Variants in MYO1D observed in about 807,000 individuals in gnomAD.
MYO1D encodes myosin ID.
Under a neutral mutation model 122.0 loss-of-function variants are expected in MYO1D, and 83 were observed. The observed-to-expected ratio is 0.68, with a 90% CI of 0.57 to 0.82. The LOEUF is 0.82. Ranked by LOEUF, MYO1D falls within the 40% of genes least tolerant of loss-of-function variation. The pLI is 0.00. For synonymous variants in MYO1D, 464 were observed against 446.9 expected, an observed-to-expected ratio of 1.04 and a Z score of -0.48; for missense variants, 1,157 against 1,269.5, an observed-to-expected ratio of 0.91 and a Z score of 1.35.
At chr17:32,748,071 T>G (rs768152025) in intron 12 of MYO1D, among the ~76,000 whole-genome samples, 1 of 152,208 alleles carries the variant, frequency 6.6e-6, no homozygotes. Flanking sequence ...TAAGTTTTTG[T>G]TGACTTAAGC....
At chr17:32,844,040 C>T (rs1347920308) in intron 1 of MYO1D, among the ~76,000 whole-genome samples, 4 of 150,880 alleles carry the variant, frequency 2.7e-5, no homozygotes, top group Non-Finnish European at 5.9e-5. Context: ...TACATACACA[C>T]ACAAGGATAT....
chr17:32,660,390 T>A (rs1293889723), intron 16 of MYO1D, among the ~76,000 whole-genome samples: 1 of 152,232 alleles, frequency 6.6e-6, no homozygotes, highest in Non-Finnish European at 1.5e-5. Context: ...TCCCTCAGGT[T>A]TCTTTTATTT....
At chr17:32,869,181 C>T (rs7213199) in intron 1 of MYO1D, among the ~76,000 whole-genome samples, 7,548 of 151,688 alleles carry the variant, frequency 0.05, 584 homozygotes, top group African/African-American at 0.17. Context: ...ATCGCACTAC[C>T]GCACTCCAGC....
At chr17:32,594,636 A>G (rs905654261) in intron 21 of MYO1D, 7 of 600,898 alleles carry the variant, frequency 1.2e-5, no homozygotes, top group South Asian at 2.2e-5. Context: ...TATAATATCT[A>G]TATCTCTCTT....
intron 21 of MYO1D, among the ~76,000 whole-genome samples, chr17:32,534,834 G>A (rs1910614612): frequency 6.6e-6 from 1 of 152,118 alleles, no homozygotes; most frequent in African/African-American, 2.4e-5. Flanking sequence ...AGAAGGAATG[G>A]AATTGAGTGA....
chr17:32,707,976 T>C (rs2089329376), intron 16 of MYO1D, among the ~76,000 whole-genome samples: 1 of 152,192 alleles, frequency 6.6e-6, no homozygotes, highest in African/African-American at 2.4e-5. Flanking sequence ...GCTCCTGGTT[T>C]CCTCTGGATC....
At chr17:32,798,316 T>C (rs769316605) in intron 1 of MYO1D, among the ~76,000 whole-genome samples, 9 of 152,236 alleles carry the variant, frequency 5.9e-5, no homozygotes, top group Non-Finnish European at 8.8e-5. Context: ...GTAACATCCA[T>C]AAGGCTGCAT....
chr17:32,536,333 C>T (rs1040182261), intron 21 of MYO1D, among the ~76,000 whole-genome samples: 2 of 151,224 alleles, frequency 1.3e-5, no homozygotes, highest in African/African-American at 4.9e-5. Flanking sequence ...CTGTGCCTGG[C>T]CCCAGGATAC....
chr17:32,698,661 G>A (rs959254014), intron 16 of MYO1D, among the ~76,000 whole-genome samples: 1 of 151,610 alleles, frequency 6.6e-6, no homozygotes, highest in Non-Finnish European at 1.5e-5. Context: ...CAAAATTATC[G>A]TACTCACTGA....
Position 32,856,325 on chromosome 17 carries a change from T to C in MYO1D, c.95+20453A>G, listed in dbSNP as rs1014999573. On this transcript the variant is annotated intron_variant, in intron 1 of 21. Transcript: ENST00000318217. Reference sequence around the variant, plus strand: ...AAGACTCTCTGTCCTCTCAAATGTCTTTCTCTCTCTACGGCCTCCTTCCCA... The same window carrying C: ...AAGACTCTCTGTCCTCTCAAATGTCCTTCTCTCTCTACGGCCTCCTTCCCA... Among the ~76,000 whole-genome samples, 4 of 152,186 alleles carry C rather than the reference T, an allele frequency of 2.6e-5. No individual in the cohort carries two copies. The East Asian group carries it at 7.7e-4, about 29-fold the overall frequency.
chr17:32,851,435 AAAC>A (rs1165263605), intron 1 of MYO1D, among the ~76,000 whole-genome samples: 1 of 152,200 alleles, frequency 6.6e-6, no homozygotes, highest in African/African-American at 2.4e-5. Flanking sequence ...CTTTAAAAAC[AAAC>A]AACACAATAT....
chr17:32,660,017 G>A (rs1019424174), intron 16 of MYO1D, among the ~76,000 whole-genome samples: 1 of 152,004 alleles, frequency 6.6e-6, no homozygotes, highest in African/African-American at 2.4e-5. Flanking sequence ...TCCTTTGTCA[G>A]GTACCCATAT....
chr17:32,532,094 C>T (rs910959866), intron 21 of MYO1D, among the ~76,000 whole-genome samples: 1 of 152,188 alleles, frequency 6.6e-6, no homozygotes, highest in Admixed American at 6.5e-5. Context: ...TGTGCCATCC[C>T]TGGCTCCAAT....
At chr17:32,763,561 G>C (rs562484624) in intron 8 of MYO1D, among the ~76,000 whole-genome samples, 2 of 152,238 alleles carry the variant, frequency 1.3e-5, no homozygotes, top group African/African-American at 4.8e-5. Context: ...AAATATACTA[G>C]TAATGAAATA....
intron 1 of MYO1D, among the ~76,000 whole-genome samples, chr17:32,813,999 G>C (rs1160345702): frequency 1.3e-5 from 2 of 152,176 alleles, no homozygotes; most frequent in Non-Finnish European, 2.9e-5. Flanking sequence ...ACTTTCTCGA[G>C]GCAGCAACAC....
chr17:32,645,502 C>T (rs569314088), intron 19 of MYO1D, among the ~76,000 whole-genome samples: 1 of 152,256 alleles, frequency 6.6e-6, no homozygotes, highest in South Asian at 2.1e-4. Flanking sequence ...GAGTGTTTTC[C>T]AACTTGGTTA....
At chr17:32,848,692 TG>T (rs2090959222) in intron 1 of MYO1D, among the ~76,000 whole-genome samples, 2 of 152,202 alleles carry the variant, frequency 1.3e-5, no homozygotes, top group Admixed American at 6.5e-5. Context: ...CTTGTTTCTG[TG>T]GGGTATCAGT....
In MYO1D at chr17:32,538,341, C is replaced by T. The variant is rs554379133; in HGVS notation, c.2865-43426G>A. Among the ~76,000 whole-genome samples the T allele has an allele frequency of 1.3e-4, 20 of 150,658 alleles. No individual in the cohort carries two copies. In the East Asian group the frequency reaches 3.3e-3, roughly 25 times the overall value. ...TGTTGCTCAGGCTGGAGTGCAGTGG[C>T]GTGCATGATCATAGCTCACTGTAAC... is the stretch of plus-strand genomic sequence containing the variant. On this transcript the variant is annotated intron_variant, in intron 21 of 21. Transcript: ENST00000318217.
chr17:32,645,014 C>T (rs2150944219), intron 19 of MYO1D, among the ~76,000 whole-genome samples: 1 of 152,214 alleles, frequency 6.6e-6, no homozygotes, highest in South Asian at 2.1e-4. Flanking sequence ...GCATCGATGG[C>T]TTTTACAATT....
Sources: allele counts gnomAD v4.1 joint callset (sites outside exome capture counted in the v4.1 genomes callset), GRCh38; gene constraint gnomAD v4.1.1; transcripts MANE v1.5; gene names NCBI Gene and HGNC (gene_info 2026-07-23, HGNC 2026-07-21).